ANKRD30BL: variants seen among roughly 807,000 people sequenced by gnomAD.
ANKRD30BL encodes the protein putative ankyrin repeat domain-containing protein 30B-like.
ANKRD30BL carries 20 observed loss-of-function variants against 18.4 expected under a neutral mutation model. That is an observed-to-expected ratio of 1.09 (90% CI 0.77 to 1.58). The LOEUF is 1.58. Ranked by LOEUF, ANKRD30BL falls within the 40% of genes most tolerant of loss-of-function variation. ANKRD30BL has a pLI of 0.00. For missense variants in ANKRD30BL, 224 were observed against 268.6 expected, an observed-to-expected ratio of 0.83 and a Z score of 1.16; for synonymous variants, 72 against 100.9, an observed-to-expected ratio of 0.71 and a Z score of 1.72.
chr2:132,173,610 A>G (rs940140139), intron 1 of ANKRD30BL, among the ~76,000 whole-genome samples: 76 of 151,856 alleles, frequency 5.0e-4, no homozygotes, highest in Non-Finnish European at 1.9e-4. Flanking sequence ...TGCTTCTAAC[A>G]TAGTTGTCTT....
intron 1 of ANKRD30BL, among the ~76,000 whole-genome samples, chr2:132,196,566 T>A (rs1295948924): frequency 1.3e-5 from 2 of 152,182 alleles, no homozygotes; most frequent in Non-Finnish European, 2.9e-5. Flanking sequence ...GGTGGGTGGA[T>A]CATGATATCA....
At chr2:132,196,526 A>G (rs536742795) in intron 1 of ANKRD30BL, among the ~76,000 whole-genome samples, 1 of 152,248 alleles carries the variant, frequency 6.6e-6, no homozygotes, top group South Asian at 2.1e-4. Context: ...GGTGGCTCAC[A>G]TCTGTAATCC....
At chr2:132,237,921 T>C (rs1680206119) in intron 1 of ANKRD30BL, among the ~76,000 whole-genome samples, 1 of 151,860 alleles carries the variant, frequency 6.6e-6, no homozygotes, top group Non-Finnish European at 1.5e-5. Flanking sequence ...AAGAAGATAT[T>C]TGGATAGCTT....
intron 1 of ANKRD30BL, among the ~76,000 whole-genome samples, chr2:132,175,729 A>T (rs1688357049): frequency 6.6e-6 from 1 of 152,216 alleles, no homozygotes; most frequent in African/African-American, 2.4e-5. Context: ...TCCGCAGTGC[A>T]TTGTGCCCCT....
chr2:132,173,331 A>T, intron 1 of ANKRD30BL, among the ~76,000 whole-genome samples: 2 of 130,970 alleles, frequency 1.5e-5, no homozygotes, highest in South Asian at 2.3e-4. Flanking sequence ...ATGGAGTTTC[A>T]CTCTGTCACC....
chr2:132,212,807 C>T (rs1336944875), intron 1 of ANKRD30BL, among the ~76,000 whole-genome samples: 2 of 151,012 alleles, frequency 1.3e-5, no homozygotes, highest in African/African-American at 2.4e-5. Context: ...AAGGAAATGT[C>T]CTCACATAAA....
chr2:132,220,473 C>T (rs1679644510), intron 1 of ANKRD30BL, among the ~76,000 whole-genome samples: 1 of 152,112 alleles, frequency 6.6e-6, no homozygotes, highest in Non-Finnish European at 1.5e-5. Context: ...GCCTGATTCT[C>T]CTGCCTCAGC....
At chr2:132,164,147 C>A (rs911863838), upstream of ANKRD30BL, among the ~76,000 whole-genome samples, 1 of 152,148 alleles carries the variant, frequency 6.6e-6, no homozygotes, top group African/African-American at 2.4e-5. Flanking sequence ...CATTCTCTAT[C>A]AATATCAGAA....
At chr2:132,204,625 A>T (rs1232860501) in intron 1 of ANKRD30BL, among the ~76,000 whole-genome samples, 2 of 152,138 alleles carry the variant, frequency 1.3e-5, no homozygotes, top group African/African-American at 4.8e-5. Context: ...TGACTAAATT[A>T]AAACATTAGC....
At chr2:132,160,401 CTTTTT>C (rs33924872) in intron 1 of ANKRD30BL, among the ~76,000 whole-genome samples, 1 of 97,590 alleles carries the variant, frequency 1.0e-5, no homozygotes, top group African/African-American at 4.3e-5. Flanking sequence ...ACGCCTGGCC[CTTTTT>C]TTTTTTTTTT....
chr2:132,179,788 T>A (rs1212861267), intron 1 of ANKRD30BL, among the ~76,000 whole-genome samples: 2 of 152,148 alleles, frequency 1.3e-5, no homozygotes, highest in East Asian at 3.9e-4. Flanking sequence ...ATGATGTTGA[T>A]GATCCTGACC....
upstream of ANKRD30BL, among the ~76,000 whole-genome samples, chr2:132,163,816 C>A (rs1454962657): frequency 6.6e-6 from 1 of 152,182 alleles, no homozygotes; most frequent in Non-Finnish European, 1.5e-5. Context: ...GGATCATGAA[C>A]AAAAACCCAA....
chr2:132,220,846 T>C (rs140202187), intron 1 of ANKRD30BL, among the ~76,000 whole-genome samples: 24,810 of 143,582 alleles, frequency 0.17, 4,588 homozygotes, highest in African/African-American at 0.48. Flanking sequence ...TATGAGGAGC[T>C]CCTCTGCCTG....
At chr2:132,167,566 C>T (rs535812472) in intron 1 of ANKRD30BL, among the ~76,000 whole-genome samples, 5 of 152,234 alleles carry the variant, frequency 3.3e-5, no homozygotes, top group African/African-American at 1.2e-4. Context: ...ACCTTGGCAT[C>T]CCAAAGTGCT....
At chr2:132,224,780 C>G (rs200774546) in intron 1 of ANKRD30BL, among the ~76,000 whole-genome samples, 1 of 152,022 alleles carries the variant, frequency 6.6e-6, no homozygotes, top group Non-Finnish European at 1.5e-5. Context: ...ATATTTTGAC[C>G]GCTTTGAGGC....
chr2:132,223,295 G>T (rs956646984), intron 1 of ANKRD30BL, among the ~76,000 whole-genome samples: 15 of 152,074 alleles, frequency 9.9e-5, no homozygotes, highest in African/African-American at 3.6e-4. Flanking sequence ...ATAAACACTA[G>T]ACAGAAGCAT....
chr2:132,229,762 T>G (rs1473998486), intron 1 of ANKRD30BL, among the ~76,000 whole-genome samples: 1 of 151,940 alleles, frequency 6.6e-6, no homozygotes, highest in Non-Finnish European at 1.5e-5. Flanking sequence ...TTTGGAGAAA[T>G]TTGAGGACTA....
rs149971886 is a variant in ANKRD30BL, at chr2:132,231,366, C to T, written n.441+26163G>A. 8.2e-3 allele frequency among the ~76,000 whole-genome samples: 1,243 copies of T among 152,304 alleles called. 14 individuals are homozygous for T. The highest frequency in any genetic ancestry group is 0.044 in the Middle Eastern group (13 of 294). ...ATGGCCGAATAGGAACAGCTCTGGT[C>T]TACAGCTCCCAGCGTGAGCGACGCA... On this transcript the variant is annotated intron_variant and non_coding_transcript_variant, in intron 1 of 4. Coordinates refer to the ANKRD30BL transcript ENST00000470729.
At chr2:132,192,272 C>A (rs1678871911) in intron 1 of ANKRD30BL, among the ~76,000 whole-genome samples, 1 of 152,110 alleles carries the variant, frequency 6.6e-6, no homozygotes, top group Non-Finnish European at 1.5e-5. Flanking sequence ...CACAGCATGT[C>A]CAGGCTCCAT....
Sources: gnomAD v4.1 joint callset for allele counts (sites outside exome capture counted in the v4.1 genomes callset) on GRCh38, gnomAD v4.1.1 for gene constraint, MANE v1.5 for transcripts, NCBI Gene and HGNC (gene_info 2026-07-23, HGNC 2026-07-21) for gene names.